DLG1: variants seen among roughly 807,000 people sequenced by gnomAD.
The protein encoded by DLG1 is disks large homolog 1.
DLG1 carries 42 observed loss-of-function variants against 123.4 expected under a neutral mutation model. The observed-to-expected ratio is 0.34, with a 90% CI of 0.27 to 0.44. The LOEUF (loss-of-function observed/expected upper bound fraction) is 0.44, where lower values mean the gene tolerates loss of function less well. DLG1 is among the 20% of genes least tolerant of loss of function. The pLI is 1.00. For synonymous variants in DLG1, 317 were observed against 356.2 expected (o/e 0.89, Z 1.24); for missense variants, 942 against 1,082.6 (o/e 0.87, Z 1.82).
intron 4 of DLG1, among the ~76,000 whole-genome samples, chr3:197,244,744 G>A (rs1261035739): frequency 6.6e-6 from 1 of 151,990 alleles, no homozygotes; most frequent in Non-Finnish European, 1.5e-5. Flanking sequence ...TTAGAAGCAC[G>A]AGATAGGGTC....
Position 197,085,567 on chromosome 3 carries a change from G to GA in DLG1, c.1838+12dup. 6.2e-7 allele frequency: 1 copy of GA among 1,613,470 alleles called. No individual in the cohort carries two copies. The highest frequency in any genetic ancestry group is 8.5e-7 in the Non-Finnish European group (1 of 1,179,726). Reference sequence around the variant, plus strand: ...ATGTTGCCTCACATTCAAGTGGTAAGAAACAGGCATACCTGCGTTTACTGG... The same window carrying GA: ...ATGTTGCCTCACATTCAAGTGGTAAGAAAACAGGCATACCTGCGTTTACTGG... On this transcript the variant is annotated intron_variant, in intron 16 of 24. Coordinates refer to ENST00000667157, the MANE Select transcript of DLG1 (RefSeq NM_001366207.1).
chr3:197,092,829 T>G (rs1042649480), intron 14 of DLG1, among the ~76,000 whole-genome samples: 2 of 152,212 alleles, frequency 1.3e-5, no homozygotes, highest in Admixed American at 1.3e-4. Context: ...TCACTTGGAA[T>G]AGTTCCTTCC....
In DLG1 at chr3:197,135,856, G is replaced by T. The variant is rs148619456; in HGVS notation, c.1020+686C>A. ...AGATGGGCTTTCACTCTGTCACCCAGACTGCAGTGCAGTGGGACAATCACA... is the reference window on the plus strand; with the variant it reads ...AGATGGGCTTTCACTCTGTCACCCATACTGCAGTGCAGTGGGACAATCACA... On this transcript the variant is annotated intron_variant, in intron 10 of 24. Coordinates refer to ENST00000667157, the MANE Select transcript of DLG1 (RefSeq NM_001366207.1). Among the ~76,000 whole-genome samples the T allele has an allele frequency of 9.7e-3, 1,470 of 151,144 alleles. 15 individuals are homozygous for T. The highest frequency in any genetic ancestry group is 0.023 in the African/African-American group (954 of 41,040).
chr3:197,296,196 G>A, intron 3 of DLG1, 150 bp downstream of exon 3: 1 of 710,622 alleles, frequency 1.4e-6, no homozygotes, highest in Non-Finnish European at 2.3e-6. Context: ...AAGGACACTG[G>A]CCTATGAAAA....
chr3:197,215,508 A>G (rs957768916), intron 4 of DLG1, among the ~76,000 whole-genome samples: 1 of 152,220 alleles, frequency 6.6e-6, no homozygotes, highest in African/African-American at 2.4e-5. Context: ...AGAAATGTGT[A>G]AACCTAAACA....
At chr3:197,224,641 T>G (rs1433167636) in intron 4 of DLG1, among the ~76,000 whole-genome samples, 1 of 152,224 alleles carries the variant, frequency 6.6e-6, no homozygotes, top group Non-Finnish European at 1.5e-5. Flanking sequence ...TCATTTCCAT[T>G]TCCTATTTCA....
At chr3:197,264,908 G>A (rs748953343) in intron 4 of DLG1, among the ~76,000 whole-genome samples, 11 of 152,120 alleles carry the variant, frequency 7.2e-5, no homozygotes, top group Admixed American at 1.3e-4. Context: ...TACTGTAGGC[G>A]TGTATTTATA....
intron 4 of DLG1, among the ~76,000 whole-genome samples, chr3:197,203,941 T>C (rs1415435582): frequency 6.6e-6 from 1 of 152,148 alleles, no homozygotes; most frequent in Non-Finnish European, 1.5e-5. Context: ...AAATCTATCC[T>C]ATGCAAAGAG....
intron 13 of DLG1, among the ~76,000 whole-genome samples, chr3:197,115,611 A>G (rs759231643): frequency 2.0e-5 from 3 of 152,226 alleles, no homozygotes; most frequent in Non-Finnish European, 4.4e-5. Context: ...TAGATCAAGA[A>G]GGTAACAGAT....
chr3:197,297,543 C>A, intron 1 of DLG1: 1 of 1,120,886 alleles, frequency 8.9e-7, no homozygotes, highest in African/African-American at 1.6e-5. Context: ...ACACTCCCCA[C>A]CTGCTACTGG....
upstream of DLG1, chr3:197,298,667 G>C (rs1579664976): frequency 2.5e-6 from 1 of 396,790 alleles, no homozygotes; most frequent in East Asian, 3.6e-5. Context: ...ACCTCCCAGG[G>C]GGCGGGGAGG....
At position 197,065,286 on chromosome 3, in the gene DLG1, A is replaced by G; in HGVS notation, c.2363T>C (p.Val788Ala). ...TAGTCTGATGCTTACCTTTTCTGCT[A>G]CTTCTCGTACAGACTGAACACTTGT... ...YGTSVQSVRE[V>A]AEKGKHCILD... Residue 788 changes from valine to alanine, a missense_variant, in exon 22 of 25, where the codon GTA becomes GCA. Physicochemically the swap from Val to Ala is moderately conservative, Grantham distance 64. Coordinates refer to ENST00000667157, the MANE Select transcript of DLG1 (RefSeq NM_001366207.1). The G allele has an allele frequency of 6.2e-7, 1 of 1,601,172 alleles. No individual in the cohort carries two copies. The highest frequency in any genetic ancestry group is 1.1e-5 in the South Asian group (1 of 88,370).
At position 197,090,981 on chromosome 3, in the gene DLG1, A is replaced by G. The variant is rs776028025; in HGVS notation, c.1592T>C (p.Met531Thr). Reference protein sequence around the residue: ...EAKIHDLREQMMNSSISSGSG... With the variant: ...EAKIHDLREQTMNSSISSGSG... ...CCCTGAACTAATACTACTATTCATCATCTGCTCCCGTAAATCATGTATTTT... is the reference window on the plus strand; with the variant it reads ...CCCTGAACTAATACTACTATTCATCGTCTGCTCCCGTAAATCATGTATTTT... The change falls in exon 15 of 25, where the codon ATG becomes ACG. Residue 531 changes from methionine to threonine, a missense_variant. By Grantham distance (81) the Met-to-Thr change is moderately conservative (BLOSUM62 -1). Coordinates refer to ENST00000667157, the MANE Select transcript of DLG1 (RefSeq NM_001366207.1). 1.2e-6 allele frequency: 2 copies of G among 1,612,498 alleles called. No homozygotes were observed. The highest frequency in any genetic ancestry group is 1.7e-6 in the Non-Finnish European group (2 of 1,178,902).
rs1369265304 is a variant in DLG1 at position 197,091,115 on chromosome 3, AATTG to A, written c.1547-93_1547-90del. The A allele has an allele frequency of 3.6e-6, 3 of 835,734 alleles. No individual in the cohort carries two copies. The African/African-American group carries it at 5.1e-5, about 14-fold the overall frequency. 51.8% of individuals were successfully genotyped at this position (835,734 alleles called of 1,614,324 possible). A position where few individuals can be genotyped will look rare whatever the true frequency, so the allele number is the denominator to read the frequency against. ...GTATTAAATATGTAAACTGTCCTAT[AATTG>A]ATTAAATGTGGTTAGAACCTTAAAA... is the stretch of plus-strand genomic sequence containing the variant. On this transcript the variant is annotated intron_variant, in intron 14 of 24. Transcript: ENST00000667157.
intron 4 of DLG1, among the ~76,000 whole-genome samples, chr3:197,274,196 C>G (rs995219930): frequency 3.9e-5 from 6 of 152,042 alleles, no homozygotes; most frequent in Admixed American, 2.6e-4. Context: ...ATTACCTGAC[C>G]TACTACAAAG....
intron 4 of DLG1, among the ~76,000 whole-genome samples, chr3:197,254,514 T>C (rs1438020994): frequency 1.3e-5 from 2 of 152,152 alleles, no homozygotes; most frequent in Non-Finnish European, 2.9e-5. Context: ...AATAAAAAAT[T>C]TAAGACATGT....
intron 4 of DLG1, among the ~76,000 whole-genome samples, chr3:197,215,529 G>A (rs544880370): frequency 7.7e-4 from 117 of 151,934 alleles, no homozygotes; most frequent in Non-Finnish European, 1.0e-3. Context: ...GAAAACACTG[G>A]TAATTTGACA....
In DLG1 at chr3:197,194,477, T is replaced by A. The variant is rs757859955; in HGVS notation, c.431A>T (p.Glu144Val). ...LVHVSEKNLSEIENVHGFVSH... is the reference protein window; with the variant it reads ...LVHVSEKNLSVIENVHGFVSH... Reference sequence around the variant, plus strand: ...AACAAATCCATGGACATTCTCAATCTCTGATAAGTTCTTCTCTGAGACATG... The same window carrying A: ...AACAAATCCATGGACATTCTCAATCACTGATAAGTTCTTCTCTGAGACATG... Residue 144 changes from glutamate to valine, a missense_variant, in exon 5 of 25, where the codon GAG becomes GTG. Glu to Val is a moderately radical substitution (Grantham distance 121). Coordinates refer to ENST00000667157, the MANE Select transcript of DLG1 (RefSeq NM_001366207.1). 2 of 1,603,998 alleles carry A rather than the reference T, an allele frequency of 1.2e-6. No individual in the cohort carries two copies. The highest frequency in any genetic ancestry group is 2.2e-5 in the South Asian group (2 of 89,146).
chr3:197,202,835 A>T (rs1204660841), intron 4 of DLG1, among the ~76,000 whole-genome samples: 1 of 152,210 alleles, frequency 6.6e-6, no homozygotes, highest in Non-Finnish European at 1.5e-5. Flanking sequence ...TCTCAAAGGG[A>T]TCTGGGAAAA....
Sources: allele counts gnomAD v4.1 joint callset (sites outside exome capture counted in the v4.1 genomes callset), GRCh38; gene constraint gnomAD v4.1.1; transcripts MANE v1.5; gene names NCBI Gene and HGNC (gene_info 2026-07-23, HGNC 2026-07-21).